The following KIF2C variants were observed in gnomAD, a reference collection of about 807,000 sequenced individuals.
KIF2C encodes the protein kinesin-like protein KIF2C.
In KIF2C, 34 loss-of-function variants were observed where a neutral mutation model predicts 97.4. The observed-to-expected ratio is 0.35, with a 90% CI of 0.27 to 0.46. The LOEUF is 0.46. KIF2C is among the 20% of genes least tolerant of loss of function. The pLI, the probability that KIF2C is intolerant of heterozygous loss-of-function variation, is 1.00. For missense variants in KIF2C, 750 were observed against 907.6 expected (o/e 0.83, Z 2.23); for synonymous variants, 313 against 318.2 (o/e 0.98, Z 0.17).
chr1:44,766,212 A>AGT (rs1451390306), intron 19 of KIF2C, among the ~76,000 whole-genome samples: 1 of 150,802 alleles, frequency 6.6e-6, no homozygotes, highest in Non-Finnish European at 1.5e-5. Flanking sequence ...TGGGTGACAG[A>AGT]GTGAGACTCC....
In KIF2C at chr1:44,767,180, C is replaced by T. The variant is rs142478220; in HGVS notation, c.*1C>T. ...AAGCAGCAAGAAACGGCCCCAGTGACGACTGCAAATAAAAATCTGTTTGGT... is the reference window on the plus strand; with the variant it reads ...AAGCAGCAAGAAACGGCCCCAGTGATGACTGCAAATAAAAATCTGTTTGGT... On this transcript the variant is annotated 3_prime_UTR_variant, in exon 21 of 21. Transcript: ENST00000372224. 5.5e-5 allele frequency: 89 copies of T among 1,613,736 alleles called. No individual in the cohort carries two copies. Among genetic ancestry groups the T allele is most frequent in the African/African-American group, 2.9e-4 (22 of 75,026 alleles).
At chr1:44,747,551 C>T in intron 3 of KIF2C, 66 bp downstream of exon 3, 1 of 1,568,466 alleles carries the variant, frequency 6.4e-7, no homozygotes, top group Non-Finnish European at 8.7e-7. Flanking sequence ...TGACTCTTTG[C>T]TGATTGATTG....
At chr1:44,744,395 A>T (rs972620066) in intron 2 of KIF2C, among the ~76,000 whole-genome samples, 24 of 152,276 alleles carry the variant, frequency 1.6e-4, no homozygotes, top group Admixed American at 1.4e-3. Flanking sequence ...GGCATGAGCC[A>T]CCACATGTGG....
chr1:44,760,651 G>A lies in KIF2C; in HGVS notation c.1632G>A (p.Leu544=). 1.9e-6 allele frequency: 3 copies of A among 1,614,244 alleles called. No homozygotes were observed. In the South Asian group the frequency reaches 3.3e-5, roughly 18 times the overall value. ...KAHTPFRESK[L]TQVLRDSFIG... ...ACACCCCGTTCCGTGAGAGCAAGCT[G>A]ACACAGGTGCTGAGGGACTCCTTCA... is the stretch of plus-strand genomic sequence containing the variant. Residue 544 remains leucine (L), a synonymous_variant, in exon 16 of 21, where the codon CTG becomes CTA. Coordinates refer to ENST00000372224, the MANE Select transcript of KIF2C (RefSeq NM_006845.4). The surrounding 1 kb of genome is among the most constrained non-coding windows in gnomAD (Gnocchi z 4.2).
intron 12 of KIF2C, 24 bp downstream of exon 12, chr1:44,757,995 C>G: frequency 6.2e-7 from 1 of 1,614,086 alleles, no homozygotes; most frequent in Non-Finnish European, 8.5e-7. Context: ...ACTGCTGCTT[C>G]AGGGTTGGGC....
chr1:44,762,022 C>G (rs748222768), intron 17 of KIF2C, 39 bp downstream of exon 17: 1 of 1,574,156 alleles, frequency 6.4e-7, no homozygotes, highest in African/African-American at 1.3e-5. Flanking sequence ...CGGAACAGGA[C>G]TGGGCAAGGG....
chr1:44,760,425 G>A lies in KIF2C; in HGVS notation c.1513G>A (p.Ala505Thr). 6.2e-7 allele frequency: 1 copy of A among 1,614,238 alleles called. No individual in the cohort carries two copies. The highest frequency in any genetic ancestry group is 8.5e-7 in the Non-Finnish European group (1 of 1,180,038). Residue 505 changes from alanine to threonine, a missense_variant, in exon 15 of 21, where the codon GCT (alanine) becomes ACT (threonine). Physicochemically the swap from Ala to Thr is moderately conservative, Grantham distance 58 (BLOSUM62 0). Coordinates refer to ENST00000372224, the MANE Select transcript of KIF2C (RefSeq NM_006845.4). The surrounding 1 kb of genome is among the most constrained non-coding windows in gnomAD (Gnocchi z 4.2). Reference sequence around the variant, plus strand: ...TGAGCGAGGCGCGGACACTTCCAGTGCTGACCGGCAGACCCGCATGGAGGG... The same window carrying A: ...TGAGCGAGGCGCGGACACTTCCAGTACTGACCGGCAGACCCGCATGGAGGG... ...GNERGADTSS[A>T]DRQTRMEGAE...
rs1170268314 is a variant in KIF2C at position 44,760,630 on chromosome 1, C to T, written c.1611C>T (p.Thr537=). Residue 537 remains threonine, a synonymous_variant, in exon 16 of 21, where the codon ACC becomes ACT. Coordinates refer to ENST00000372224, the MANE Select transcript of KIF2C (RefSeq NM_006845.4). This position sits in a 1 kb window ranked among gnomAD's most constrained non-coding sequence, Gnocchi z 4.2. ...CCCTGGGACAGAACAAGGCTCACAC[C>T]CCGTTCCGTGAGAGCAAGCTGACAC... ...IRALGQNKAH[T]PFRESKLTQV... is the part of the protein sequence containing the mutation. The T allele has an allele frequency of 2.5e-6, 4 of 1,614,060 alleles. No homozygotes were observed. The African/African-American group carries it at 4.0e-5, about 16-fold the overall frequency.
rs1366603093 is a variant in KIF2C at position 44,753,783 on chromosome 1, C to T, written c.613C>T (p.Arg205Ter). 5.0e-6 allele frequency: 8 copies of T among 1,611,092 alleles called. No homozygotes were observed. Among genetic ancestry groups the T allele is most frequent in the Non-Finnish European group, 5.9e-6 (7 of 1,178,946 alleles). Residue 205 changes from arginine to a stop codon, truncating the protein, a stop_gained, in exon 7 of 21, where the codon CGA becomes TGA. Coordinates refer to ENST00000372224, the MANE Select transcript of KIF2C (RefSeq NM_006845.4). LOFTEE classifies it high-confidence loss of function. ...GGAAGTGGAAAAAATGAAGAACAAG[C>T]GAGAAGAGAAGAAGGCCCAGAACTC... ...VKEVEKMKNK[R>*]EEKKAQNSEM...
intron 2 of KIF2C, among the ~76,000 whole-genome samples, chr1:44,743,752 G>A (rs1649046329): frequency 6.6e-6 from 1 of 152,210 alleles, no homozygotes. Context: ...CTACACTCCA[G>A]CCTGGGTGAC....
chr1:44,759,189 C>T lies in KIF2C; in HGVS notation c.1225-17C>T. The T allele has an allele frequency of 6.2e-7, 1 of 1,613,510 alleles. No homozygotes were observed. The highest frequency in any genetic ancestry group is 8.5e-7 in the Non-Finnish European group (1 of 1,179,772). On this transcript the variant is annotated splice_polypyrimidine_tract_variant and intron_variant, in intron 13 of 20. Transcript: ENST00000372224. ...GGTGCCCAGTGGCCTTAGCCTCATT[C>T]CCCCTGCCTGGCACAGCTGTTTGAC...
intron 4 of KIF2C, 129 bp downstream of exon 4, chr1:44,747,829 A>G (rs1649293777): frequency 4.1e-6 from 3 of 735,288 alleles, no homozygotes; most frequent in Non-Finnish European, 6.8e-6. Context: ...CTGTGTTCCA[A>G]GCATCTTTCT....
rs1389084567 is a variant in KIF2C at position 44,760,570 on chromosome 1, G to T, written c.1573-22G>T. On this transcript the variant is annotated intron_variant, in intron 15 of 20. Transcript: ENST00000372224. This position sits in a 1 kb window ranked among gnomAD's most constrained non-coding sequence, Gnocchi z 4.2. ...CAGTGCAAGGAAAGAAGGGACCTCA[G>T]TTGTTCCTGCTGCCCCCACAGGAGT... 6.2e-7 allele frequency: 1 copy of T among 1,613,212 alleles called. No individual in the cohort carries two copies. Among genetic ancestry groups the T allele is most frequent in the Non-Finnish European group, 8.5e-7 (1 of 1,179,516 alleles).
chr1:44,745,871 C>CT (rs2148822185), intron 2 of KIF2C, among the ~76,000 whole-genome samples: 1 of 151,548 alleles, frequency 6.6e-6, no homozygotes, highest in East Asian at 2.0e-4. Flanking sequence ...CTGCAGATTT[C>CT]TTTTTTCTTT....
chr1:44,743,091 A>G (rs1046151072), intron 2 of KIF2C, among the ~76,000 whole-genome samples: 6 of 152,314 alleles, frequency 3.9e-5, no homozygotes, highest in African/African-American at 1.4e-4. Context: ...AAAACAGCTG[A>G]AAAAGGAGAC....
rs1648845074 is a variant in KIF2C at position 44,739,900 on chromosome 1, A to G, written c.-33A>G. ...GTTAGCGAAATTGAGGTTTCTTGGT[A>G]TTGCGCGTTTCTCTTCCTTGCTGAC... On this transcript the variant is annotated 5_prime_UTR_variant, in exon 1 of 21. Coordinates refer to ENST00000372224, the MANE Select transcript of KIF2C (RefSeq NM_006845.4). The G allele has an allele frequency of 1.3e-6, 2 of 1,590,202 alleles. No homozygotes were observed. Among genetic ancestry groups the G allele is most frequent in the Non-Finnish European group, 1.7e-6 (2 of 1,158,230 alleles).
At position 44,760,371 on chromosome 1, in the gene KIF2C, A is replaced by G. The variant is rs1650074799; in HGVS notation, c.1459A>G (p.Lys487Glu). ...ILRAKGRMHG[K>E]FSLVDLAGNE... is the part of the protein sequence containing the mutation. Reference sequence around the variant, plus strand: ...TCGAGCTAAAGGGAGAATGCATGGCAAGTTCTCTTTGGTAGATCTGGCAGG... The same window carrying G: ...TCGAGCTAAAGGGAGAATGCATGGCGAGTTCTCTTTGGTAGATCTGGCAGG... Residue 487 changes from lysine to glutamate, a missense_variant, in exon 15 of 21, where the codon AAG becomes GAG. By Grantham distance (56) the Lys-to-Glu change is moderately conservative. Coordinates refer to ENST00000372224, the MANE Select transcript of KIF2C (RefSeq NM_006845.4). This position sits in a 1 kb window ranked among gnomAD's most constrained non-coding sequence, Gnocchi z 4.2. The G allele has an allele frequency of 1.2e-6, 2 of 1,614,226 alleles. No homozygotes were observed. The highest frequency in any genetic ancestry group is 1.7e-6 in the Non-Finnish European group (2 of 1,180,042).
At chr1:44,740,120 C>A in intron 1 of KIF2C, 118 bp downstream of exon 1, 1 of 1,169,034 alleles carries the variant, frequency 8.6e-7, no homozygotes, top group Non-Finnish European at 1.3e-6. Context: ...CCCTCCTTTT[C>A]ACACGCACTC....
chr1:44,759,469 G>A (rs1171841182), intron 14 of KIF2C, 121 bp downstream of exon 14: 22 of 1,206,372 alleles, frequency 1.8e-5, no homozygotes, highest in East Asian at 4.8e-5. Flanking sequence ...TAAGGGCTGC[G>A]AAGGCCTCTG....
Sources: gnomAD v4.1 joint callset for allele counts (sites outside exome capture counted in the v4.1 genomes callset) on GRCh38, gnomAD v4.1.1 for gene constraint, Gnocchi (gnomAD v3.1) non-coding constraint, MANE v1.5 for transcripts, NCBI Gene and HGNC (gene_info 2026-07-23, HGNC 2026-07-21) for gene names.